Variants in HIP1 observed in about 807,000 individuals in gnomAD.
HIP1 encodes huntingtin interacting protein 1.
A neutral mutation model predicts 147.6 loss-of-function variants in HIP1; 65 were observed. That is an observed-to-expected ratio of 0.44 (90% confidence interval 0.36 to 0.54). HIP1 has a LOEUF of 0.54. HIP1 is among the 20% of genes least tolerant of loss of function. The pLI is 0.00. For synonymous variants in HIP1, 479 were observed against 504.0 expected (o/e 0.95, Z 0.67); for missense variants, 1,061 against 1,299.6 (o/e 0.82, Z 2.82).
intron 1 of HIP1, among the ~76,000 whole-genome samples, chr7:75,688,265 G>A (rs10244441): frequency 0.13 from 20,150 of 152,170 alleles, 1,420 homozygotes; most frequent in East Asian, 0.2. Context: ...TTCCTCCCCT[G>A]GGGCAGGGCA....
chr7:75,559,783 TC>T lies in HIP1; in HGVS notation c.1323del (p.Arg442GlyfsTer16). The T allele has an allele frequency of 6.5e-7, 1 of 1,540,664 alleles. No individual in the cohort carries two copies. Among genetic ancestry groups the T allele is most frequent in the Non-Finnish European group, 8.8e-7 (1 of 1,137,502 alleles). ...EFLRAELDEL[R>X]RQREDTEKAQ... The stretch of plus-strand genomic sequence containing the variant: ...GCCTTCTCGGTGTCCTCCCGCTGCC[TC>T]CTGAGCTCGTCCAGTTCTGCCCGCA... On this transcript the variant is annotated frameshift_variant, in exon 14 of 31. Coordinates refer to ENST00000336926, the MANE Select transcript of HIP1 (RefSeq NM_005338.7). LOFTEE classifies it high-confidence loss of function.
chr7:75,542,939 C>T lies in HIP1; in HGVS notation c.2802G>A (p.Gln934=), dbSNP rs782022601. 3.1e-6 allele frequency: 5 copies of T among 1,614,048 alleles called. No homozygotes were observed. The Admixed American group carries it at 6.7e-5, about 22-fold the overall frequency. Residue 934 remains glutamine (Q), a synonymous_variant, in exon 28 of 31, where the codon CAG becomes CAA. Coordinates refer to ENST00000336926, the MANE Select transcript of HIP1 (RefSeq NM_005338.7). ...KADKDSPNLA[Q]LQQASRGVNQ... ...TCACTCCCCGAGAGGCCTGCTGCAG[C>T]TGGGCTAGGTTGGGGCTGTCCTTAT...
At chr7:75,561,978 G>A in intron 12 of HIP1, 95 bp downstream of exon 12, 1 of 766,810 alleles carries the variant, frequency 1.3e-6, no homozygotes, top group South Asian at 1.5e-5. Flanking sequence ...AGAAGCCCCA[G>A]TATCATTAAG....
chr7:75,621,254 G>A (rs1167177728), intron 1 of HIP1, among the ~76,000 whole-genome samples: 1 of 151,988 alleles, frequency 6.6e-6, no homozygotes, highest in South Asian at 2.1e-4. Context: ...CACACCTGGG[G>A]GAAGAGTTCT....
At chr7:75,656,460 C>T (rs1299911701) in intron 1 of HIP1, among the ~76,000 whole-genome samples, 2 of 150,302 alleles carry the variant, frequency 1.3e-5, no homozygotes, top group Admixed American at 1.3e-4. Flanking sequence ...AAATATGTTT[C>T]CAACTTTAGT....
intron 25 of HIP1, among the ~76,000 whole-genome samples, 187 bp from the exon 26 acceptor site, chr7:75,545,375 C>A (rs1026210141): frequency 6.6e-6 from 1 of 152,140 alleles, no homozygotes; most frequent in Non-Finnish European, 1.5e-5. Flanking sequence ...GGTGCAGTGG[C>A]GCTCGCCTGT....
chr7:75,639,844 G>A lies in HIP1; in HGVS notation c.121-40597C>T, dbSNP rs1245598016. On this transcript the variant is annotated intron_variant, in intron 1 of 30. Coordinates refer to ENST00000336926, the MANE Select transcript of HIP1 (RefSeq NM_005338.7). The stretch of plus-strand genomic sequence containing the variant: ...TAATCTGGAGGGGCCTCCCGAATGA[G>A]ACTGGGGTCTCCAAACAGATGGGCA... Among the ~76,000 whole-genome samples the A allele has an allele frequency of 1.1e-4, 16 of 152,090 alleles. 1 individual carries two copies. The highest frequency in any genetic ancestry group is 2.9e-4 in the African/African-American group (12 of 41,410).
chr7:75,589,935 G>A (rs916271409), intron 4 of HIP1, among the ~76,000 whole-genome samples: 2 of 151,658 alleles, frequency 1.3e-5, no homozygotes, highest in Non-Finnish European at 2.9e-5. Flanking sequence ...GGGTTTCACC[G>A]TGTTAGCCAG....
At chr7:75,564,896 C>T (rs587649006) in intron 9 of HIP1, among the ~76,000 whole-genome samples, 1 of 152,024 alleles carries the variant, frequency 6.6e-6, no homozygotes, top group African/African-American at 2.4e-5. Flanking sequence ...CCATGCTTGG[C>T]CTGTTTTAAT....
Position 75,685,759 on chromosome 7 carries a change from G to A in HIP1, c.120+53042C>T, listed in dbSNP as rs183838367. ...AGACGGGTTTTTCCCATGTTGGCCA[G>A]GCTGGTTTTGAACTCCTGACCTCAG... is the stretch of plus-strand genomic sequence containing the variant. On this transcript the variant is annotated intron_variant, in intron 1 of 30. Transcript: ENST00000336926. 3.3e-5 allele frequency among the ~76,000 whole-genome samples: 5 copies of A among 152,108 alleles called. No individual in the cohort carries two copies. In the East Asian group the frequency reaches 9.7e-4, roughly 29 times the overall value.
chr7:75,697,205 T>C (rs1554518832), intron 1 of HIP1, among the ~76,000 whole-genome samples: 4 of 152,164 alleles, frequency 2.6e-5, no homozygotes, highest in African/African-American at 9.7e-5. Flanking sequence ...TATCCATGTG[T>C]ATAAAGGTAA....
At chr7:75,587,933 C>T (rs1158152860) in intron 4 of HIP1, among the ~76,000 whole-genome samples, 1 of 152,136 alleles carries the variant, frequency 6.6e-6, no homozygotes, top group African/African-American at 2.4e-5. Context: ...CACCATTCCT[C>T]CAGCCTTGGT....
At chr7:75,538,262 T>C (rs782185219) in intron 30 of HIP1, 38 bp from the exon 31 acceptor site, 28 of 1,524,832 alleles carry the variant, frequency 1.8e-5, no homozygotes, top group South Asian at 3.4e-5. Context: ...AAAGCACTCA[T>C]GAATGCATTC....
intron 1 of HIP1, among the ~76,000 whole-genome samples, chr7:75,642,545 A>C (rs1345881973): frequency 2.0e-5 from 3 of 152,124 alleles, no homozygotes; most frequent in African/African-American, 7.2e-5. Flanking sequence ...AAAACAAAAC[A>C]AAACAAAACC....
Position 75,563,089 on chromosome 7 carries a change from C to T in HIP1, c.880-14G>A. ...GTTGGGTGGGTTCTGAAGACGGAGA[C>T]ACATCCTCAAATAGTGCTTGCTTGC... On this transcript the variant is annotated splice_polypyrimidine_tract_variant and intron_variant, in intron 10 of 30. Transcript: ENST00000336926. 1 of 1,614,148 alleles carries T rather than the reference C, an allele frequency of 6.2e-7. No individual in the cohort carries two copies. Among genetic ancestry groups the T allele is most frequent in the South Asian group, 1.1e-5 (1 of 91,078 alleles).
At chr7:75,732,429 G>A (rs1801865045) in intron 1 of HIP1, among the ~76,000 whole-genome samples, 1 of 152,124 alleles carries the variant, frequency 6.6e-6, no homozygotes, top group Admixed American at 6.5e-5. Flanking sequence ...GGAGTGCAGT[G>A]GTGTGATCAC....
intron 1 of HIP1, among the ~76,000 whole-genome samples, chr7:75,731,239 T>G (rs1388660731): frequency 1.3e-5 from 2 of 151,592 alleles, no homozygotes; most frequent in Non-Finnish European, 2.9e-5. Flanking sequence ...TCCCAGCACT[T>G]TGGGAGGCCA....
intron 8 of HIP1, among the ~76,000 whole-genome samples, chr7:75,572,481 G>A (rs149006652): frequency 5.9e-5 from 9 of 152,310 alleles, no homozygotes; most frequent in African/African-American, 1.2e-4. Context: ...TGTGCTGTTC[G>A]TAGGATGCAC....
rs115694567 is a variant in HIP1 at position 75,699,667 on chromosome 7, G to A, written c.120+39134C>T. On this transcript the variant is annotated intron_variant, in intron 1 of 30. Transcript: ENST00000336926. ...AGAGTGGTCTCTGCTTACTCACATC[G>A]TCCTCCTCTCTTCCCCTCAGCCACA... Among the ~76,000 whole-genome samples the A allele has an allele frequency of 6.2e-3, 948 of 152,194 alleles. 16 individuals carry two copies. Among genetic ancestry groups the A allele is most frequent in the African/African-American group, 0.021 (883 of 41,536 alleles).
Sources: allele counts gnomAD v4.1 joint callset (sites outside exome capture counted in the v4.1 genomes callset), GRCh38; gene constraint gnomAD v4.1.1; transcripts MANE v1.5; gene names NCBI Gene and HGNC (gene_info 2026-07-23, HGNC 2026-07-21).